The following HPGDS variants were observed in gnomAD, a reference collection of about 807,000 sequenced individuals.
The protein encoded by HPGDS is GST class-sigma.
A neutral mutation model predicts 23.1 loss-of-function variants in HPGDS; 26 were observed. That is an observed-to-expected ratio of 1.13 (90% CI 0.83 to 1.56). The LOEUF is 1.56. HPGDS is among the 40% of genes most tolerant of loss of function. HPGDS has a pLI of 0.00. For synonymous variants in HPGDS, 95 were observed against 77.9 expected, an observed-to-expected ratio of 1.22 and a Z score of -1.16; for missense variants, 268 against 236.4, an observed-to-expected ratio of 1.13 and a Z score of -0.88.
At chr4:94,337,030 T>C (rs1401588913) in intron 1 of HPGDS, among the ~76,000 whole-genome samples, 1 of 152,120 alleles carries the variant, frequency 6.6e-6, no homozygotes, top group East Asian at 1.9e-4. Context: ...AGTGGCTCAA[T>C]CTGGGCTCAC....
intron 2 of HPGDS, among the ~76,000 whole-genome samples, chr4:94,321,944 A>G (rs532607347): frequency 0.024 from 3,587 of 152,110 alleles, no homozygotes; most frequent in African/African-American, 0.071. Context: ...TCCCATCAAT[A>G]CCTAATTTAT....
intron 3 of HPGDS, among the ~76,000 whole-genome samples, chr4:94,315,665 G>A (rs1430449874): frequency 6.6e-6 from 1 of 152,134 alleles, no homozygotes; most frequent in Non-Finnish European, 1.5e-5. Context: ...ACTGACAGTG[G>A]ATGAATTGTA....
At chr4:94,318,502 C>A (rs931816794) in intron 2 of HPGDS, among the ~76,000 whole-genome samples, 4 of 151,914 alleles carry the variant, frequency 2.6e-5, no homozygotes, top group African/African-American at 9.7e-5. Context: ...CATTCAGGAC[C>A]ATGTTGTTTA....
intron 4 of HPGDS, among the ~76,000 whole-genome samples, chr4:94,307,600 A>G (rs1224928440): frequency 1.3e-5 from 2 of 152,178 alleles, no homozygotes; most frequent in Non-Finnish European, 2.9e-5. Context: ...GGGAATTCCA[A>G]TGATGACAGC....
Position 94,309,050 on chromosome 4 carries a change from C to CTTT in HPGDS, c.227-310_227-308dup, listed in dbSNP as rs34427506. 1.5e-3 allele frequency among the ~76,000 whole-genome samples: 45 copies of CTTT among 31,026 alleles called. 7 individuals are homozygous for CTTT. The highest frequency in any genetic ancestry group is 2.4e-3 in the African/African-American group (19 of 7,882). 20.4% of individuals were successfully genotyped at this position (31,026 alleles called of 152,430 possible). On this transcript the variant is annotated intron_variant, in intron 3 of 5. Transcript: ENST00000295256. ...TACAAGTACCCAAAGGGTGTACTTG[C>CTTT]TTTTTTTTTTTTTTTTTTTTTTTTT...
intron 2 of HPGDS, among the ~76,000 whole-genome samples, chr4:94,331,708 TTTA>T (rs1553925859): frequency 6.6e-6 from 1 of 152,178 alleles, no homozygotes; most frequent in Non-Finnish European, 1.5e-5. Flanking sequence ...GAATCCCACC[TTTA>T]TTATAGCATT....
At chr4:94,325,779 G>A (rs528803755) in intron 2 of HPGDS, among the ~76,000 whole-genome samples, 14 of 152,234 alleles carry the variant, frequency 9.2e-5, no homozygotes, top group Middle Eastern at 3.4e-3. Context: ...CTTGCCCTCC[G>A]TGGGCTGCAC....
intron 2 of HPGDS, among the ~76,000 whole-genome samples, chr4:94,320,987 C>A (rs1265945939): frequency 1.3e-5 from 2 of 152,174 alleles, no homozygotes; most frequent in Non-Finnish European, 2.9e-5. Flanking sequence ...ATATGGCTAG[C>A]CAGTTTTCCC....
intron 2 of HPGDS, 141 bp downstream of exon 2, chr4:94,334,356 C>G (rs1298101384): frequency 1.5e-6 from 1 of 650,528 alleles, no homozygotes; most frequent in Non-Finnish European, 2.4e-6. Context: ...GATCACACAG[C>G]ATTTATTTAG....
intron 4 of HPGDS, among the ~76,000 whole-genome samples, chr4:94,303,023 G>A (rs1756074256): frequency 6.6e-6 from 1 of 151,878 alleles, no homozygotes; most frequent in East Asian, 1.9e-4. Context: ...TGAAATAGAA[G>A]CCAAACTCAA....
At chr4:94,301,438 T>C (rs73836414) in intron 5 of HPGDS, among the ~76,000 whole-genome samples, 100 of 152,310 alleles carry the variant, frequency 6.6e-4, no homozygotes, top group African/African-American at 2.3e-3. Flanking sequence ...TCTTATCTAT[T>C]AACTGGAATA....
intron 1 of HPGDS, among the ~76,000 whole-genome samples, chr4:94,340,514 T>C (rs1721140355): frequency 7.0e-6 from 1 of 142,652 alleles, no homozygotes; most frequent in Admixed American, 7.1e-5. Context: ...AATTTTTTTG[T>C]ATATTTAATA....
intron 2 of HPGDS, among the ~76,000 whole-genome samples, chr4:94,318,647 T>A (rs1756443283): frequency 6.6e-6 from 1 of 152,194 alleles, no homozygotes; most frequent in Admixed American, 6.6e-5. Context: ...TGAGATGTGT[T>A]TTGTGGCTTA....
rs772677877 is a variant in HPGDS at position 94,334,524 on chromosome 4, G to T, written c.106C>A (p.Gln36Lys). The T allele has an allele frequency of 1.9e-6, 3 of 1,605,660 alleles. No individual in the cohort carries two copies. The highest frequency in any genetic ancestry group is 2.2e-5 in the South Asian group (2 of 89,108). Residue 36 changes from glutamine (Q) to lysine (K), a missense_variant, in exon 2 of 6, where the codon CAA becomes AAA. Transcript: ENST00000295256. Reference protein sequence around the residue: ...DIQYEDHRIEQADWPEIKSTL... With the variant: ...DIQYEDHRIEKADWPEIKSTL... ...GATTTGATTTCAGGCCAGTCAGCTT[G>T]TTCTATTCTGTGGTCTTCATACTGT...
intron 3 of HPGDS, among the ~76,000 whole-genome samples, chr4:94,316,376 C>T (rs1560588838): frequency 6.7e-6 from 1 of 150,054 alleles, no homozygotes; most frequent in Non-Finnish European, 1.5e-5. Context: ...GATGATTCTA[C>T]ATCCACAAAT....
chr4:94,315,166 TCCCCAG>T (rs1352209405), intron 3 of HPGDS, among the ~76,000 whole-genome samples: 368 of 65,730 alleles, frequency 5.6e-3, no homozygotes, highest in Non-Finnish European at 9.9e-3. Context: ...TGTCTGACAA[TCCCCAG>T]TGAGACAATC....
intron 4 of HPGDS, among the ~76,000 whole-genome samples, 162 bp downstream of exon 4, chr4:94,308,472 A>G (rs11932130): frequency 0.15 from 22,524 of 152,160 alleles, 1,906 homozygotes; most frequent in Non-Finnish European, 0.19. Context: ...GAAGGGGTAC[A>G]ATAGGGAATT....
chr4:94,332,521 G>A (rs1450823859), intron 2 of HPGDS, among the ~76,000 whole-genome samples: 2 of 152,160 alleles, frequency 1.3e-5, no homozygotes, highest in African/African-American at 4.8e-5. Context: ...GGGGTCGCAG[G>A]CACCCCAACC....
At chr4:94,302,734 G>A (rs914954269) in intron 4 of HPGDS, among the ~76,000 whole-genome samples, 32 of 151,976 alleles carry the variant, frequency 2.1e-4, no homozygotes, top group Non-Finnish European at 3.4e-4. Flanking sequence ...GGGCCTTTAT[G>A]TATTTTCTCA....
Sources: gnomAD v4.1 joint callset for allele counts (sites outside exome capture counted in the v4.1 genomes callset) on GRCh38, gnomAD v4.1.1 for gene constraint, MANE v1.5 for transcripts, NCBI Gene and HGNC (gene_info 2026-07-23, HGNC 2026-07-21) for gene names.